The following RSRC1 variants were observed in gnomAD, a reference collection of about 807,000 sequenced individuals.
RSRC1 encodes serine/Arginine-related protein 53.
Under a neutral mutation model 49.1 loss-of-function variants are expected in RSRC1, and 39 were observed. The observed-to-expected ratio is 0.79, with a 90% CI of 0.61 to 1.04. The LOEUF is 1.04. Among genes scored for constraint, RSRC1 ranks in the 50% least tolerant of loss-of-function variants. The pLI is 0.00. For synonymous variants in RSRC1, 143 were observed against 130.8 expected, an observed-to-expected ratio of 1.09 and a Z score of -0.63; for missense variants, 388 against 402.4, an observed-to-expected ratio of 0.96 and a Z score of 0.31.
intron 4 of RSRC1, among the ~76,000 whole-genome samples, chr3:158,240,399 A>G (rs1578232353): frequency 6.6e-6 from 1 of 152,068 alleles, no homozygotes; most frequent in Admixed American, 6.5e-5. Flanking sequence ...AAATTTTTGT[A>G]GTTTTTAAAC....
At chr3:158,161,940 A>G (rs1360162708) in intron 3 of RSRC1, among the ~76,000 whole-genome samples, 1 of 152,196 alleles carries the variant, frequency 6.6e-6, no homozygotes, top group Non-Finnish European at 1.5e-5. Flanking sequence ...AAATCGTATC[A>G]CTGCACTCCA....
intron 5 of RSRC1, among the ~76,000 whole-genome samples, chr3:158,346,535 C>CT (rs1730563389): frequency 6.6e-6 from 1 of 152,138 alleles, no homozygotes; most frequent in African/African-American, 2.4e-5. Flanking sequence ...TGAAAAGATG[C>CT]TCAACACCGT....
chr3:158,438,454 C>G (rs1301876265), intron 6 of RSRC1, among the ~76,000 whole-genome samples: 2 of 152,126 alleles, frequency 1.3e-5, no homozygotes, highest in Non-Finnish European at 2.9e-5. Context: ...CAGCGTGATA[C>G]TGGTACCAAA....
At chr3:158,229,152 G>A (rs866631577) in intron 4 of RSRC1, among the ~76,000 whole-genome samples, 2 of 146,464 alleles carry the variant, frequency 1.4e-5, no homozygotes, top group African/African-American at 5.0e-5. Flanking sequence ...ACATACATAC[G>A]TGTATATATG....
chr3:158,252,129 T>C (rs1095638), intron 4 of RSRC1, among the ~76,000 whole-genome samples: 68,134 of 151,632 alleles, frequency 0.45, 15,653 homozygotes, highest in East Asian at 0.64. Context: ...CTTGCCTCTC[T>C]GGGATAAATC....
At chr3:158,511,623 T>C (rs1301242190) in intron 7 of RSRC1, among the ~76,000 whole-genome samples, 1 of 152,208 alleles carries the variant, frequency 6.6e-6, no homozygotes, top group Non-Finnish European at 1.5e-5. Context: ...TTTATAGTCC[T>C]TTGGCTATAT....
At chr3:158,315,330 G>A (rs1728369057) in intron 5 of RSRC1, among the ~76,000 whole-genome samples, 1 of 151,962 alleles carries the variant, frequency 6.6e-6, no homozygotes, top group African/African-American at 2.4e-5. Flanking sequence ...GGGAAATTCA[G>A]GTAAAAAATC....
chr3:158,242,195 C>CA (rs1723634859), intron 4 of RSRC1, among the ~76,000 whole-genome samples: 1 of 151,970 alleles, frequency 6.6e-6, no homozygotes, highest in African/African-American at 2.4e-5. Context: ...GATGCTGTTT[C>CA]TCCTGCCACC....
At chr3:158,464,812 C>T (rs1010401381) in intron 7 of RSRC1, among the ~76,000 whole-genome samples, 12 of 152,092 alleles carry the variant, frequency 7.9e-5, no homozygotes, top group Admixed American at 2.6e-4. Context: ...CCCTGTACAA[C>T]AGGGAGGATA....
intron 7 of RSRC1, among the ~76,000 whole-genome samples, chr3:158,500,289 G>A (rs973820048): frequency 2.0e-5 from 3 of 152,112 alleles, no homozygotes; most frequent in Non-Finnish European, 2.9e-5. Context: ...AAGCATTTTA[G>A]CATCTATGTT....
intron 6 of RSRC1, among the ~76,000 whole-genome samples, chr3:158,420,800 T>C (rs912054345): frequency 6.6e-6 from 1 of 151,902 alleles, no homozygotes; most frequent in African/African-American, 2.4e-5. Context: ...TTATTGGTAA[T>C]TTAAAATATT....
At chr3:158,281,356 G>A (rs1726157262) in intron 4 of RSRC1, among the ~76,000 whole-genome samples, 1 of 150,816 alleles carries the variant, frequency 6.6e-6, no homozygotes, top group Non-Finnish European at 1.5e-5. Flanking sequence ...TATCCAAATA[G>A]AGATGTCAAA....
At chr3:158,394,446 C>T (rs559042887) in intron 6 of RSRC1, among the ~76,000 whole-genome samples, 2 of 152,120 alleles carry the variant, frequency 1.3e-5, no homozygotes, top group South Asian at 4.1e-4. Context: ...TATCCTGAAA[C>T]TTTGCTGAAG....
intron 7 of RSRC1, among the ~76,000 whole-genome samples, chr3:158,518,754 C>T (rs779078399): frequency 2.0e-5 from 3 of 152,022 alleles, no homozygotes; most frequent in Non-Finnish European, 4.4e-5. Context: ...TTAACTCAAC[C>T]GACCACACTA....
intron 3 of RSRC1, among the ~76,000 whole-genome samples, chr3:158,194,322 G>A (rs896589809): frequency 8.7e-5 from 13 of 148,924 alleles, no homozygotes; most frequent in African/African-American, 3.2e-4. Flanking sequence ...AAGGAAAGAA[G>A]AAAAGAAAAG....
intron 3 of RSRC1, among the ~76,000 whole-genome samples, chr3:158,147,514 T>C (rs528732621): frequency 1.1e-4 from 10 of 88,708 alleles, no homozygotes; most frequent in Non-Finnish European, 2.2e-4. Flanking sequence ...TAATAAATTT[T>C]CTTTTTTTTT....
chr3:158,275,949 T>C, intron 4 of RSRC1: 1 of 744,282 alleles, frequency 1.3e-6, no homozygotes, highest in Non-Finnish European at 2.4e-6. Flanking sequence ...CACATTTCCC[T>C]GTGCTTGTGG....
At chr3:158,527,739 G>A (rs1198742777) in intron 7 of RSRC1, among the ~76,000 whole-genome samples, 7 of 151,898 alleles carry the variant, frequency 4.6e-5, no homozygotes, top group African/African-American at 1.7e-4. Context: ...GAACTAAGGG[G>A]TTTTGAAATT....
chr3:158,439,312 A>G (rs529993807), intron 6 of RSRC1, among the ~76,000 whole-genome samples: 23 of 152,118 alleles, frequency 1.5e-4, no homozygotes, highest in African/African-American at 4.8e-4. Flanking sequence ...TCCCATTACT[A>G]GGTATCTACC....
Sources: allele counts gnomAD v4.1 joint callset (sites outside exome capture counted in the v4.1 genomes callset), GRCh38; gene constraint gnomAD v4.1.1; transcripts MANE v1.5; gene names NCBI Gene and HGNC (gene_info 2026-07-23, HGNC 2026-07-21).